DLGAP2: variants seen among roughly 807,000 people sequenced by gnomAD.
DLGAP2 encodes the protein disks large-associated protein 2.
Under a neutral mutation model 100.3 loss-of-function variants are expected in DLGAP2, and 26 were observed. That is an observed-to-expected ratio of 0.26 (90% confidence interval 0.19 to 0.36). The LOEUF (loss-of-function observed/expected upper bound fraction) is 0.36, where lower values mean the gene tolerates loss of function less well. DLGAP2 is among the 10% of genes least tolerant of loss of function. The probability of loss-of-function intolerance (pLI) is 1.00; values close to 1 mark genes in which losing one functional copy is unlikely to be tolerated. For missense variants in DLGAP2, 1,858 were observed against 1,453.2 expected, an observed-to-expected ratio of 1.28 and a Z score of -4.53; for synonymous variants, 886 against 630.1, an observed-to-expected ratio of 1.41 and a Z score of -6.08.
chr8:1,240,076 T>C (rs1798752261), intron 2 of DLGAP2, among the ~76,000 whole-genome samples: 1 of 149,396 alleles, frequency 6.7e-6, no homozygotes, highest in African/African-American at 2.5e-5. Flanking sequence ...TTATCTCACA[T>C]GGTGCCGTTT....
chr8:1,519,913 G>T (rs1800528540), intron 4 of DLGAP2, among the ~76,000 whole-genome samples: 1 of 152,228 alleles, frequency 6.6e-6, no homozygotes, highest in South Asian at 2.1e-4. Flanking sequence ...AAGGGGCGTG[G>T]CTGGGTTTGG....
intron 2 of DLGAP2, among the ~76,000 whole-genome samples, chr8:1,131,796 C>G (rs1045725040): frequency 2.6e-5 from 4 of 152,152 alleles, no homozygotes; most frequent in Non-Finnish European, 5.9e-5. Context: ...TCCAGAATAT[C>G]TTTTGAATTC....
At chr8:1,034,525 C>A (rs1271671944) in intron 2 of DLGAP2, among the ~76,000 whole-genome samples, 1 of 76,914 alleles carries the variant, frequency 1.3e-5, no homozygotes, top group African/African-American at 6.8e-5. Context: ...GGATTCACAC[C>A]CTCATCCCGA....
intron 3 of DLGAP2, among the ~76,000 whole-genome samples, chr8:1,291,902 T>C (rs532497259): frequency 6.6e-6 from 1 of 152,316 alleles, no homozygotes; most frequent in Non-Finnish European, 1.5e-5. Context: ...TGACTAACTT[T>C]TGACTATTAC....
At chr8:1,180,198 G>A (rs912388436) in intron 2 of DLGAP2, among the ~76,000 whole-genome samples, 1 of 151,458 alleles carries the variant, frequency 6.6e-6, no homozygotes, top group African/African-American at 2.5e-5. Context: ...AGCCAGATTT[G>A]TTTTTTAATT....
chr8:1,051,099 G>T (rs1438864123), intron 2 of DLGAP2, among the ~76,000 whole-genome samples: 1 of 148,430 alleles, frequency 6.7e-6, no homozygotes, highest in Non-Finnish European at 1.5e-5. Flanking sequence ...TGGGCAGGGG[G>T]TCATTTTGTG....
intron 2 of DLGAP2, among the ~76,000 whole-genome samples, chr8:1,127,461 C>A (rs536470698): frequency 1.3e-5 from 2 of 152,204 alleles, no homozygotes; most frequent in African/African-American, 4.8e-5. Flanking sequence ...TTCGTGGCCA[C>A]GTTAGAGCCT....
At chr8:1,348,832 C>T (rs1205653587) in intron 3 of DLGAP2, among the ~76,000 whole-genome samples, 4 of 152,344 alleles carry the variant, frequency 2.6e-5, no homozygotes, top group Admixed American at 2.6e-4. Flanking sequence ...CAGTATCAGT[C>T]CCCACCTCAC....
At chr8:1,414,106 A>G (rs1796810715) in intron 3 of DLGAP2, among the ~76,000 whole-genome samples, 1 of 152,180 alleles carries the variant, frequency 6.6e-6, no homozygotes, top group Non-Finnish European at 1.5e-5. Flanking sequence ...CAAGGTCAGT[A>G]AAGTCAGAGT....
rs866837567 is a variant in DLGAP2, at chr8:915,550, A to G, written c.73+7584A>G. 8.2e-3 allele frequency among the ~76,000 whole-genome samples: 1,227 copies of G among 150,380 alleles called. 16 individuals are homozygous for G. The highest frequency in any genetic ancestry group is 0.028 in the African/African-American group (1,169 of 41,148). On this transcript the variant is annotated intron_variant, in intron 2 of 14. Coordinates refer to ENST00000637795, the MANE Select transcript of DLGAP2 (RefSeq NM_001346810.2). ...CGACAGAGCAAGACTCCATCTCTAA[A>G]AAAAAAAAAGAAACCCATCGCTGGA...
chr8:1,180,018 A>G (rs1797345755), intron 2 of DLGAP2, among the ~76,000 whole-genome samples: 1 of 152,236 alleles, frequency 6.6e-6, no homozygotes, highest in Admixed American at 6.5e-5. Context: ...TAAAGTGAAC[A>G]CATAATTTTT....
chr8:741,945 G>T (rs149297249), intron 1 of DLGAP2, among the ~76,000 whole-genome samples: 1 of 152,226 alleles, frequency 6.6e-6, no homozygotes, highest in African/African-American at 2.4e-5. Flanking sequence ...GTCTGGAAAT[G>T]ACACCTTCCT....
chr8:1,189,703 G>T (rs1401468884), intron 2 of DLGAP2, among the ~76,000 whole-genome samples: 2 of 151,062 alleles, frequency 1.3e-5, no homozygotes. Flanking sequence ...GAAGTTTACA[G>T]TTTGTAATAT....
chr8:1,325,948 C>T (rs2063403568), intron 3 of DLGAP2, among the ~76,000 whole-genome samples: 1 of 152,146 alleles, frequency 6.6e-6, no homozygotes, highest in African/African-American at 2.4e-5. Flanking sequence ...TATCTTCCCC[C>T]GTAAGCTATA....
At chr8:834,702 A>G (rs1048334679) in intron 1 of DLGAP2, among the ~76,000 whole-genome samples, 1 of 152,056 alleles carries the variant, frequency 6.6e-6, no homozygotes, top group Non-Finnish European at 1.5e-5. Flanking sequence ...AGTGGGTGCT[A>G]TGCCCTATTG....
At chr8:999,060 G>A (rs1196993932) in intron 2 of DLGAP2, among the ~76,000 whole-genome samples, 16 of 152,166 alleles carry the variant, frequency 1.1e-4, no homozygotes, top group Admixed American at 8.5e-4. Flanking sequence ...CCTCCATGCT[G>A]TGCCTATGTG....
chr8:1,570,156 C>T (rs1802595642), intron 6 of DLGAP2, among the ~76,000 whole-genome samples: 2 of 152,204 alleles, frequency 1.3e-5, no homozygotes, highest in African/African-American at 4.8e-5. Context: ...AGAAGCACAT[C>T]ATAGGGACCT....
At chr8:1,357,333 T>C (rs1038588562) in intron 3 of DLGAP2, among the ~76,000 whole-genome samples, 4 of 151,936 alleles carry the variant, frequency 2.6e-5, no homozygotes, top group East Asian at 1.9e-4. Flanking sequence ...GCCAGACTCA[T>C]CACACTGACA....
chr8:748,554 C>G (rs1820711500), intron 1 of DLGAP2, among the ~76,000 whole-genome samples: 1 of 152,154 alleles, frequency 6.6e-6, no homozygotes, highest in Admixed American at 6.5e-5. Context: ...GAGTCCAAAG[C>G]ATAGAGGAGC....
Sources: gnomAD v4.1 joint callset for allele counts (sites outside exome capture counted in the v4.1 genomes callset) on GRCh38, gnomAD v4.1.1 for gene constraint, MANE v1.5 for transcripts, NCBI Gene and HGNC (gene_info 2026-07-23, HGNC 2026-07-21) for gene names.